The following PCDHGB6 variants were observed in gnomAD, a reference collection of about 807,000 sequenced individuals.
The protein encoded by PCDHGB6 is protocadherin gamma-B6.
In PCDHGB6, 51 loss-of-function variants were observed where a neutral mutation model predicts 59.1. The observed-to-expected ratio is 0.86, with a 90% confidence interval of 0.69 to 1.09. The LOEUF (loss-of-function observed/expected upper bound fraction) is 1.09. Among genes scored for constraint, PCDHGB6 ranks in the 50% least tolerant of loss-of-function variants. The probability of loss-of-function intolerance (pLI) is 0.00; values close to 1 mark genes in which losing one functional copy is unlikely to be tolerated. For missense variants in PCDHGB6, 1,148 were observed against 1,205.1 expected, an observed-to-expected ratio of 0.95 and a Z score of 0.70; for synonymous variants, 466 against 495.1, an observed-to-expected ratio of 0.94 and a Z score of 0.78.
chr5:141,490,811 A>G lies in PCDHGB6; in HGVS notation c.2419-3996A>G, dbSNP rs750702067. The G allele has an allele frequency of 1.2e-6, 2 of 1,613,918 alleles. No homozygotes were observed. The highest frequency in any genetic ancestry group is 8.5e-7 in the Non-Finnish European group (1 of 1,179,884). On this transcript the variant is annotated intron_variant, in intron 1 of 3. Coordinates refer to ENST00000520790, the MANE Select transcript of PCDHGB6 (RefSeq NM_018926.3). This position sits in a 1 kb window ranked among gnomAD's most constrained non-coding sequence, Gnocchi z 5.4. ...ATCTTTGCCCAGCGTACCTTTGACTATGAATTGCTGCAGATGCTGCAGATT... is the reference window on the plus strand; with the variant it reads ...ATCTTTGCCCAGCGTACCTTTGACTGTGAATTGCTGCAGATGCTGCAGATT...
At chr5:141,422,716 G>A (rs1348237465) in intron 1 of PCDHGB6, 1 of 1,604,378 alleles carries the variant, frequency 6.2e-7, no homozygotes, top group Non-Finnish European at 8.5e-7. Flanking sequence ...GGATGACACT[G>A]TCCAGGGGGT....
chr5:141,477,212 C>T lies in PCDHGB6; in HGVS notation c.2419-17595C>T, dbSNP rs1488282405. On this transcript the variant is annotated intron_variant, in intron 1 of 3. Coordinates refer to ENST00000520790, the MANE Select transcript of PCDHGB6 (RefSeq NM_018926.3). This position sits in a 1 kb window ranked among gnomAD's most constrained non-coding sequence, Gnocchi z 4.9. ...GTACAGCCCAGTACCCGAGGATGCC[C>T]CTCTGGGGACTGTCATCGCTTTGCT... 11 of 1,614,048 alleles carry T rather than the reference C, an allele frequency of 6.8e-6. No individual in the cohort carries two copies. The highest frequency in any genetic ancestry group is 1.3e-5 in the African/African-American group (1 of 74,918).
intron 1 of PCDHGB6, chr5:141,428,149 G>A (rs1048150182): frequency 8.8e-6 from 14 of 1,586,676 alleles, no homozygotes; most frequent in African/African-American, 1.3e-5. Flanking sequence ...CTGCACACGG[G>A]AACCTGCTGG....
chr5:141,423,811 T>G, intron 1 of PCDHGB6: 1 of 1,254,642 alleles, frequency 8.0e-7, no homozygotes, highest in Non-Finnish European at 1.0e-6. Flanking sequence ...ACATGTGAGT[T>G]TTACTTTGCC....
rs1373678836 is a variant in PCDHGB6, at chr5:141,477,459, C to T, written c.2419-17348C>T. 6.2e-7 allele frequency: 1 copy of T among 1,614,186 alleles called. No homozygotes were observed. The highest frequency in any genetic ancestry group is 8.5e-7 in the Non-Finnish European group (1 of 1,180,034). On this transcript the variant is annotated intron_variant, in intron 1 of 3. Coordinates refer to ENST00000520790, the MANE Select transcript of PCDHGB6 (RefSeq NM_018926.3). This position sits in a 1 kb window ranked among gnomAD's most constrained non-coding sequence, Gnocchi z 4.9. ...CTTACAATAGTGCGTGTTCAAGTGTCCGACATCAATGACAACCCTCCACAA... is the reference window on the plus strand; with the variant it reads ...CTTACAATAGTGCGTGTTCAAGTGTTCGACATCAATGACAACCCTCCACAA...
At position 141,491,658 on chromosome 5, in the gene PCDHGB6, C is replaced by A; in HGVS notation, c.2419-3149C>A. 1 of 1,613,822 alleles carries A rather than the reference C, an allele frequency of 6.2e-7. No homozygotes were observed. The highest frequency in any genetic ancestry group is 8.5e-7 in the Non-Finnish European group (1 of 1,180,016). On this transcript the variant is annotated intron_variant, in intron 1 of 3. Coordinates refer to ENST00000520790, the MANE Select transcript of PCDHGB6 (RefSeq NM_018926.3). The surrounding 1 kb of genome is among the most constrained non-coding windows in gnomAD (Gnocchi z 6.9). ...CCACAGCTCTGGCGCTGGAGCCTGA[C>A]GCCATCCGGTCCCGCTCTAATACGC... is the stretch of plus-strand genomic sequence containing the variant.
At chr5:141,446,830 A>G (rs1289946397) in intron 1 of PCDHGB6, among the ~76,000 whole-genome samples, 1 of 152,176 alleles carries the variant, frequency 6.6e-6, no homozygotes, top group Non-Finnish European at 1.5e-5. Flanking sequence ...GTAGATCCTT[A>G]TAAGGCTGAG....
At chr5:141,461,592 A>G (rs777372149) in intron 1 of PCDHGB6, among the ~76,000 whole-genome samples, 4 of 152,148 alleles carry the variant, frequency 2.6e-5, no homozygotes, top group African/African-American at 2.4e-5. Flanking sequence ...TTATATTTCC[A>G]TTATAATTTA....
rs2095028170 is a variant in PCDHGB6, at chr5:141,408,023, A to G, written c.-180A>G. On this transcript the variant is annotated 5_prime_UTR_variant, in exon 1 of 4. Coordinates refer to ENST00000520790, the MANE Select transcript of PCDHGB6 (RefSeq NM_018926.3). ...GGATTCCCTGCGCAGCCAACAACAG[A>G]AAGAAGAAAACCAGCTCCCACACAG... 2 of 1,054,662 alleles carry G rather than the reference A, an allele frequency of 1.9e-6. No individual in the cohort carries two copies. The highest frequency in any genetic ancestry group is 3.2e-4 in the Middle Eastern group (1 of 3,128). The allele number at this position is 1,054,662 out of a possible 1,614,324, so 65.3% of individuals were successfully genotyped here. A position where few individuals can be genotyped will look rare whatever the true frequency, so the allele number is the denominator to read the frequency against.
Position 141,476,036 on chromosome 5 carries a change from A to T in PCDHGB6, c.2419-18771A>T. ...ATGTCGGACTCGGCGCCCAGCGCCC[A>T]AGCGCTAACCCGCTGAAAGTTTCTC... On this transcript the variant is annotated intron_variant, in intron 1 of 3. Coordinates refer to ENST00000520790, the MANE Select transcript of PCDHGB6 (RefSeq NM_018926.3). This position sits in a 1 kb window ranked among gnomAD's most constrained non-coding sequence, Gnocchi z 7.6. 1.4e-6 allele frequency: 2 copies of T among 1,471,164 alleles called. No individual in the cohort carries two copies. The highest frequency in any genetic ancestry group is 1.8e-6 in the Non-Finnish European group (2 of 1,106,602). 91.1% of individuals were successfully genotyped at this position (1,471,164 alleles called of 1,614,324 possible).
In PCDHGB6 at chr5:141,494,836, C is replaced by G. The variant is rs1016713543; in HGVS notation, c.2448C>G (p.Phe816Leu). ...CCCCGCCCAACACGGACTGGCGTTT[C>G]TCTCAGGCCCAGAGACCCGGCACCA... ...SQAPPNTDWR[F>L]SQAQRPGTSG... The change falls in exon 2 of 4, where the codon TTC (phenylalanine) becomes TTG (leucine). Residue 816 changes from phenylalanine (F) to leucine (L), a missense_variant. Phe to Leu is a conservative substitution (Grantham distance 22, BLOSUM62 0). Coordinates refer to ENST00000520790, the MANE Select transcript of PCDHGB6 (RefSeq NM_018926.3). 1.9e-6 allele frequency: 3 copies of G among 1,614,054 alleles called. No individual in the cohort carries two copies. The highest frequency in any genetic ancestry group is 2.7e-5 in the African/African-American group (2 of 74,932).
intron 1 of PCDHGB6, among the ~76,000 whole-genome samples, chr5:141,472,980 C>CAAAAA (rs60579131): frequency 1.7e-4 from 15 of 86,092 alleles, no homozygotes; most frequent in East Asian, 4.1e-4. Context: ...GAGTGAAACT[C>CAAAAA]AAAAAAAAAA....
chr5:141,476,367 G>C lies in PCDHGB6; in HGVS notation c.2419-18440G>C, dbSNP rs754652710. ...TTCTTTGAGGTGAACCGGGAGACCG[G>C]AGAGATGTTTGTGAACGACCGTCTG... On this transcript the variant is annotated intron_variant, in intron 1 of 3. Transcript: ENST00000520790. This position sits in a 1 kb window ranked among gnomAD's most constrained non-coding sequence, Gnocchi z 7.6. 6.2e-7 allele frequency: 1 copy of C among 1,614,172 alleles called. No homozygotes were observed. Among genetic ancestry groups the C allele is most frequent in the Non-Finnish European group, 8.5e-7 (1 of 1,180,036 alleles).
At chr5:141,450,675 C>T (rs377412699) in intron 1 of PCDHGB6, among the ~76,000 whole-genome samples, 3 of 151,614 alleles carry the variant, frequency 2.0e-5, no homozygotes, top group South Asian at 4.2e-4. Flanking sequence ...TTAGTAGAAA[C>T]GGGGTTTTGC....
At chr5:141,510,040 G>A (rs2099879305) in intron 3 of PCDHGB6, among the ~76,000 whole-genome samples, 1 of 152,220 alleles carries the variant, frequency 6.6e-6, no homozygotes, top group Non-Finnish European at 1.5e-5. Flanking sequence ...GTTATGTAGA[G>A]GTTAAAAGTG....
chr5:141,410,841 G>GT, intron 1 of PCDHGB6: 1 of 214,604 alleles, frequency 4.7e-6, no homozygotes, highest in Non-Finnish European at 7.8e-6. Context: ...AAGATATTTT[G>GT]TCTTTGTCTT....
At chr5:141,452,895 A>G (rs527695680) in intron 1 of PCDHGB6, among the ~76,000 whole-genome samples, 16 of 152,312 alleles carry the variant, frequency 1.1e-4, no homozygotes, top group African/African-American at 3.6e-4. Flanking sequence ...TTCCACTTTT[A>G]TTAGTTGGCA....
At position 141,431,034 on chromosome 5, in the gene PCDHGB6, G is replaced by C. The variant is rs372312860; in HGVS notation, c.2418+20414G>C. 2.5e-6 allele frequency: 4 copies of C among 1,613,992 alleles called. No homozygotes were observed. The highest frequency in any genetic ancestry group is 2.7e-5 in the African/African-American group (2 of 74,938). On this transcript the variant is annotated intron_variant, in intron 1 of 3. Coordinates refer to ENST00000520790, the MANE Select transcript of PCDHGB6 (RefSeq NM_018926.3). The surrounding 1 kb of genome is among the most constrained non-coding windows in gnomAD (Gnocchi z 4.8). ...TTGGTCACGGCGGGCAGGATAGACC[G>C]GGAGGAGCTCTGTATGGGGGCCATC...
At chr5:141,441,298 T>C (rs1289976355) in intron 1 of PCDHGB6, 1 of 152,150 alleles carries the variant, frequency 6.6e-6, no homozygotes, top group Non-Finnish European at 1.5e-5. Flanking sequence ...ATGTCTGATA[T>C]AAGAAAATGC....
Sources: gnomAD v4.1 joint callset for allele counts (sites outside exome capture counted in the v4.1 genomes callset) on GRCh38, gnomAD v4.1.1 for gene constraint, Gnocchi (gnomAD v3.1) non-coding constraint, MANE v1.5 for transcripts, NCBI Gene and HGNC (gene_info 2026-07-23, HGNC 2026-07-21) for gene names.